COL4A1: variants seen among roughly 807,000 people sequenced by gnomAD.
COL4A1 encodes collagen alpha-1(IV) chain.
A neutral mutation model predicts 216.6 loss-of-function variants in COL4A1; 40 were observed. The observed-to-expected ratio is 0.18, with a 90% CI of 0.14 to 0.24. The LOEUF (loss-of-function observed/expected upper bound fraction) is 0.24. COL4A1 is among the 10% of genes least tolerant of loss of function. COL4A1 has a pLI of 1.00. For missense variants in COL4A1, 1,628 were observed against 2,196.8 expected (o/e 0.74, Z 5.18); for synonymous variants, 839 against 810.7 (o/e 1.03, Z -0.59).
chr13:110,170,251 C>A (rs538408300), intron 42 of COL4A1, among the ~76,000 whole-genome samples: 1 of 152,212 alleles, frequency 6.6e-6, no homozygotes, highest in Non-Finnish European at 1.5e-5. Context: ...CCAGAACCCA[C>A]AAGTGGGCCC....
chr13:110,204,899 C>A (rs898728342), intron 17 of COL4A1, among the ~76,000 whole-genome samples: 3 of 152,188 alleles, frequency 2.0e-5, no homozygotes, highest in African/African-American at 4.8e-5. Flanking sequence ...ATCATAATTA[C>A]ACTGACGGCC....
chr13:110,210,338 C>T (rs1322426165), intron 8 of COL4A1, 126 bp from the exon 9 acceptor site: 6 of 873,142 alleles, frequency 6.9e-6, no homozygotes, highest in Non-Finnish European at 1.1e-5. Flanking sequence ...ATTTAGACCC[C>T]GTCTACACTG....
rs760656051 is a variant in COL4A1, at chr13:110,179,252, C to A, written c.2344+19G>T. On this transcript the variant is annotated intron_variant, in intron 30 of 51. Transcript: ENST00000375820. ...CATCCTGTCCTCGAAACCCTCCAGA[C>A]TGATCTGCATGAAGTTACCTCTGAT... 1 of 1,614,024 alleles carries A rather than the reference C, an allele frequency of 6.2e-7. No individual in the cohort carries two copies. Among genetic ancestry groups the A allele is most frequent in the African/African-American group, 1.3e-5 (1 of 74,920 alleles).
intron 1 of COL4A1, among the ~76,000 whole-genome samples, chr13:110,258,366 C>G (rs898677408): frequency 6.6e-6 from 1 of 152,114 alleles, no homozygotes; most frequent in Non-Finnish European, 1.5e-5. Context: ...GGTAAAATCC[C>G]ATCTCTACTA....
intron 1 of COL4A1, among the ~76,000 whole-genome samples, chr13:110,292,340 T>C (rs1003228236): frequency 1.3e-5 from 2 of 152,206 alleles, no homozygotes; most frequent in Non-Finnish European, 2.9e-5. Context: ...AAAATTTGCA[T>C]ATCATCTCAA....
At chr13:110,155,940 C>A (rs1290121952) in intron 49 of COL4A1, among the ~76,000 whole-genome samples, 1 of 152,104 alleles carries the variant, frequency 6.6e-6, no homozygotes, top group East Asian at 1.9e-4. Context: ...AGGACACAGG[C>A]CTGTAGTCCT....
At chr13:110,183,326 C>A (rs143366073) in intron 26 of COL4A1, 50 bp from the exon 27 acceptor site, 15 of 1,557,694 alleles carry the variant, frequency 9.6e-6, no homozygotes, top group African/African-American at 1.4e-5. Context: ...GAGGACCACA[C>A]GGAACACAGG....
At chr13:110,291,403 T>A (rs1345257605) in intron 1 of COL4A1, among the ~76,000 whole-genome samples, 2 of 152,210 alleles carry the variant, frequency 1.3e-5, no homozygotes, top group Middle Eastern at 3.2e-3. Flanking sequence ...AGAACTCATC[T>A]TCCATGTCGG....
At chr13:110,301,134 G>A (rs187789061) in intron 1 of COL4A1, among the ~76,000 whole-genome samples, 182 of 152,246 alleles carry the variant, frequency 1.2e-3, no homozygotes, top group Non-Finnish European at 2.0e-3. Context: ...CCAAATTAAG[G>A]GGAAACACCT....
chr13:110,279,901 T>A (rs1883563246), intron 1 of COL4A1, among the ~76,000 whole-genome samples: 1 of 152,200 alleles, frequency 6.6e-6, no homozygotes, highest in African/African-American at 2.4e-5. Flanking sequence ...GTGGCCACTG[T>A]CTTCTCCTGG....
intron 24 of COL4A1, 73 bp downstream of exon 24, chr13:110,192,141 A>G (rs1878656483): frequency 6.6e-7 from 1 of 1,516,126 alleles, no homozygotes; most frequent in African/African-American, 1.4e-5. Flanking sequence ...TGCAAATGCA[A>G]AACGACACAA....
intron 21 of COL4A1, among the ~76,000 whole-genome samples, chr13:110,197,322 A>G (rs772680283): frequency 1.3e-5 from 2 of 150,770 alleles, no homozygotes; most frequent in East Asian, 2.0e-4. Context: ...TGTCAGCCCC[A>G]TGGAATACTT....
intron 1 of COL4A1, among the ~76,000 whole-genome samples, chr13:110,289,156 T>G (rs59245704): frequency 0.15 from 23,178 of 152,148 alleles, 1,829 homozygotes; most frequent in South Asian, 0.2. Flanking sequence ...CTCCTCATTT[T>G]GGCGAGTGCT....
intron 25 of COL4A1, among the ~76,000 whole-genome samples, chr13:110,186,869 C>G (rs1269073023): frequency 1.6e-4 from 25 of 152,112 alleles, no homozygotes; most frequent in Admixed American, 1.6e-3. Flanking sequence ...CCATCCAAAG[C>G]AAAAAGATAC....
At chr13:110,193,969 G>A (rs1247540139) in intron 22 of COL4A1, among the ~76,000 whole-genome samples, 4 of 152,190 alleles carry the variant, frequency 2.6e-5, no homozygotes, top group Non-Finnish European at 1.5e-5. Context: ...AAGAGGAATG[G>A]GAAGACTCGA....
In COL4A1 at chr13:110,162,251, G is replaced by T; in HGVS notation, c.4441C>A (p.Arg1481=). The T allele has an allele frequency of 6.2e-7, 1 of 1,614,176 alleles. No homozygotes were observed. Among genetic ancestry groups the T allele is most frequent in the African/African-American group, 1.3e-5 (1 of 75,070 alleles). The change falls in exon 48 of 52, where the codon CGG becomes AGG. Residue 1481 remains arginine, a synonymous_variant. Coordinates refer to ENST00000375820, the MANE Select transcript of COL4A1 (RefSeq NM_001845.6). ...YSLLYVQGNE[R]AHGQDLGTAG... The stretch of plus-strand genomic sequence containing the variant: ...TTACCCAAGTCCTGGCCATGGGCCC[G>T]TTCATTGCCTTGCACGTAGAGCAAA...
intron 25 of COL4A1, 140 bp from the exon 26 acceptor site, chr13:110,186,693 A>C: frequency 9.6e-7 from 1 of 1,046,422 alleles, no homozygotes; most frequent in African/African-American, 1.6e-5. Context: ...CTACCCTCCC[A>C]GGAGGGCCAC....
chr13:110,230,281 C>T (rs570073124), intron 2 of COL4A1, among the ~76,000 whole-genome samples: 6 of 151,244 alleles, frequency 4.0e-5, no homozygotes, highest in African/African-American at 1.2e-4. Context: ...GTGTGTGGTG[C>T]GTGTATATGT....
chr13:110,297,438 G>A (rs2139319113), intron 1 of COL4A1, among the ~76,000 whole-genome samples: 1 of 151,330 alleles, frequency 6.6e-6, no homozygotes, highest in South Asian at 2.1e-4. Context: ...ATCCCTCATG[G>A]ATAGATGGGG....
Sources: gnomAD v4.1 joint callset for allele counts (sites outside exome capture counted in the v4.1 genomes callset) on GRCh38, gnomAD v4.1.1 for gene constraint, MANE v1.5 for transcripts, NCBI Gene and HGNC (gene_info 2026-07-23, HGNC 2026-07-21) for gene names.